Variants in D2HGDH observed in about 807,000 individuals in gnomAD.
D2HGDH encodes the protein D-2-hydroxyglutarate dehydrogenase.
Under a neutral mutation model 46.9 loss-of-function variants are expected in D2HGDH, and 31 were observed. The observed-to-expected ratio is 0.66, with a 90% CI of 0.50 to 0.89. D2HGDH has a LOEUF of 0.89. Ranked by LOEUF, D2HGDH falls within the 40% of genes least tolerant of loss-of-function variation. The pLI is 0.00. For missense variants in D2HGDH, 698 were observed against 720.8 expected, an observed-to-expected ratio of 0.97 and a Z score of 0.36; for synonymous variants, 364 against 332.6, an observed-to-expected ratio of 1.09 and a Z score of -1.03.
Position 241,735,544 on chromosome 2 carries a change from T to G in D2HGDH, c.292+28T>G, listed in dbSNP as rs62191977. The G allele has an allele frequency of 0.65, 1,042,374 of 1,597,970 alleles. 345,378 individuals carry two copies. The highest frequency in any genetic ancestry group is 0.93 in the African/African-American group (69,435 of 74,972). ...GGGTGAGGCTTGGGAAGCTGCGGCG[T>G]TTCCGCGTCCCTGCTCCGCTGCGCC... On this transcript the variant is annotated intron_variant, in intron 2 of 9. Transcript: ENST00000321264.
rs558559121 is a variant in D2HGDH at position 241,758,769 on chromosome 2, ATGTGTG to A, written c.1306+2793_1306+2798del. ...TATACCGCCCCCCGCCCCACAATAT[ATGTGTG>A]TGTGTGTGTGTGTGTGTGTGTGTGT... On this transcript the variant is annotated intron_variant, in intron 9 of 9. Coordinates refer to ENST00000321264, the MANE Select transcript of D2HGDH (RefSeq NM_152783.5). Among the ~76,000 whole-genome samples the A allele has an allele frequency of 2.6e-3, 345 of 131,966 alleles. 2 individuals are homozygous for A. Among genetic ancestry groups the A allele is most frequent in the African/African-American group, 8.8e-3 (306 of 34,714 alleles). 86.6% of individuals were successfully genotyped at this position (131,966 alleles called of 152,430 possible).
chr2:241,755,577 C>T (rs1440465941), intron 8 of D2HGDH: 4 of 1,467,402 alleles, frequency 2.7e-6, no homozygotes, highest in Non-Finnish European at 3.7e-6. Context: ...GTCGTGGAGC[C>T]TGGGACATTC....
rs79423321 is a variant in D2HGDH at position 241,740,960 on chromosome 2, C to T, written c.293-73C>T. On this transcript the variant is annotated intron_variant, in intron 2 of 9. Transcript: ENST00000321264. The stretch of plus-strand genomic sequence containing the variant: ...GTCTCCAAAAAAAAAAACTCGCTCT[C>T]TGGGGCGAGTGACCACTTGCCTCAT... 84,518 of 1,291,682 alleles carry T rather than the reference C, an allele frequency of 0.065. 3,633 individuals are homozygous for T. The highest frequency in any genetic ancestry group is 0.18 in the Admixed American group (10,145 of 55,356). The allele number at this position is 1,291,682 out of a possible 1,614,324, so 80.0% of individuals were successfully genotyped here.
chr2:241,740,634 C>G (rs1422989445), intron 2 of D2HGDH, among the ~76,000 whole-genome samples: 1 of 152,208 alleles, frequency 6.6e-6, no homozygotes, highest in East Asian at 1.9e-4. Context: ...ATTCTCCCTC[C>G]TCAGCTTCCC....
chr2:241,764,577 G>A (rs567126516), intron 9 of D2HGDH, among the ~76,000 whole-genome samples: 2 of 152,374 alleles, frequency 1.3e-5, no homozygotes, highest in Middle Eastern at 3.4e-3. Flanking sequence ...GACCTTTGTC[G>A]GTTCTGGTGG....
At chr2:241,735,644 CG>C in intron 2 of D2HGDH, 128 bp downstream of exon 2, 1 of 1,273,456 alleles carries the variant, frequency 7.9e-7, no homozygotes, top group Non-Finnish European at 1.1e-6. Flanking sequence ...CTGAGAGGGG[CG>C]TGTGCACCGC....
chr2:241,752,052 T>C (rs4992233), intron 8 of D2HGDH, among the ~76,000 whole-genome samples: 21,994 of 133,192 alleles, frequency 0.17, 3,041 homozygotes, highest in African/African-American at 0.32. Flanking sequence ...AGCCCTCAGT[T>C]ACCTTCACCG....
rs767185467 is a variant in D2HGDH, at chr2:241,751,423, T to G, written c.1140+35T>G. 2.0e-5 allele frequency: 33 copies of G among 1,610,870 alleles called. 2 individuals are homozygous for G. In the South Asian group the frequency reaches 3.6e-4, roughly 18 times the overall value. ...GTCCTGCTTGCAGGTCCCCGCTCTC[T>G]GTCCGTCCAGTCCAGCCTTGTCTTG... On this transcript the variant is annotated intron_variant, in intron 8 of 9. Coordinates refer to ENST00000321264, the MANE Select transcript of D2HGDH (RefSeq NM_152783.5).
intron 7 of D2HGDH, among the ~76,000 whole-genome samples, chr2:241,750,826 T>C (rs923937115): frequency 4.6e-5 from 7 of 151,878 alleles, no homozygotes; most frequent in African/African-American, 1.7e-4. Context: ...AAACGATTCT[T>C]CTGCCTCAGC....
Position 241,751,142 on chromosome 2 carries a change from G to A in D2HGDH, c.998-104G>A, listed in dbSNP as rs542700576. 5 of 1,518,298 alleles carry A rather than the reference G, an allele frequency of 3.3e-6. No individual in the cohort carries two copies. The South Asian group carries it at 3.4e-5, about 10-fold the overall frequency. 94.1% of individuals were successfully genotyped at this position (1,518,298 alleles called of 1,614,324 possible). On this transcript the variant is annotated intron_variant, in intron 7 of 9. Coordinates refer to ENST00000321264, the MANE Select transcript of D2HGDH (RefSeq NM_152783.5). The stretch of plus-strand genomic sequence containing the variant: ...GGCTGCCTGGGTCCTTCTTGGCCAC[G>A]AAAGATCAGTGGTTGCTATTACAGC...
chr2:241,762,974 T>G (rs557277808), intron 9 of D2HGDH, among the ~76,000 whole-genome samples: 1 of 152,342 alleles, frequency 6.6e-6, no homozygotes, highest in South Asian at 2.1e-4. Context: ...CTCATATTCG[T>G]TAGATTTTTA....
intron 8 of D2HGDH, among the ~76,000 whole-genome samples, chr2:241,752,916 C>G (rs1241298194): frequency 6.6e-6 from 1 of 150,588 alleles, no homozygotes; most frequent in Non-Finnish European, 1.5e-5. Context: ...CCCCCAGCCT[C>G]TGCACATCAT....
intron 2 of D2HGDH, chr2:241,736,124 G>A (rs1339411655): frequency 6.5e-6 from 1 of 152,980 alleles, no homozygotes; most frequent in Non-Finnish European, 1.5e-5. Flanking sequence ...GGAGGCTGAA[G>A]CCAGGAGTTC....
chr2:241,756,958 G>T (rs1698249673), intron 9 of D2HGDH, among the ~76,000 whole-genome samples: 2 of 152,154 alleles, frequency 1.3e-5, no homozygotes, highest in South Asian at 4.1e-4. Context: ...TTCTTCCCTG[G>T]CCTGGTGGCA....
intron 8 of D2HGDH, among the ~76,000 whole-genome samples, chr2:241,752,028 AC>A (rs1559382970): frequency 8.3e-6 from 1 of 121,118 alleles, no homozygotes. Flanking sequence ...TGTTACCGGG[AC>A]CTGGGTGGGA....
chr2:241,746,116 C>T (rs953020027), intron 6 of D2HGDH, among the ~76,000 whole-genome samples: 2 of 152,162 alleles, frequency 1.3e-5, no homozygotes, highest in African/African-American at 4.8e-5. Context: ...AATTCTTAGC[C>T]ATTATTGCTT....
At position 241,742,783 on chromosome 2, in the gene D2HGDH, G is replaced by T. The variant is rs1373115368; in HGVS notation, c.490+209G>T. 1.3e-5 allele frequency among the ~76,000 whole-genome samples: 2 copies of T among 152,220 alleles called. No homozygotes were observed. The highest frequency in any genetic ancestry group is 4.8e-5 in the African/African-American group (2 of 41,456). On this transcript the variant is annotated intron_variant, in intron 4 of 9. Transcript: ENST00000321264. This position sits in a 1 kb window ranked among gnomAD's most constrained non-coding sequence, Gnocchi z 4.8. Reference sequence around the variant, plus strand: ...CGTGCTGGTGAGGGCTTGTCATTCTGGTCCCTTCCGACTCCATCCCGCTCT... The same window carrying T: ...CGTGCTGGTGAGGGCTTGTCATTCTTGTCCCTTCCGACTCCATCCCGCTCT...
chr2:241,765,128 G>A (rs1219162449), intron 9 of D2HGDH, among the ~76,000 whole-genome samples: 2 of 152,228 alleles, frequency 1.3e-5, no homozygotes, highest in Non-Finnish European at 2.9e-5. Context: ...GAGCTGCCCT[G>A]GGCGCCACTG....
chr2:241,735,569 C>G, intron 2 of D2HGDH, 53 bp downstream of exon 2: 2 of 1,593,064 alleles, frequency 1.3e-6, no homozygotes, highest in South Asian at 1.1e-5. Flanking sequence ...TCCGCTGCGC[C>G]TTCCCGTGGA....
Sources: gnomAD v4.1 joint callset for allele counts (sites outside exome capture counted in the v4.1 genomes callset) on GRCh38, gnomAD v4.1.1 for gene constraint, Gnocchi (gnomAD v3.1) non-coding constraint, MANE v1.5 for transcripts, NCBI Gene and HGNC (gene_info 2026-07-23, HGNC 2026-07-21) for gene names.